GALNT14: variants seen among roughly 807,000 people sequenced by gnomAD.
The protein encoded by GALNT14 is polypeptide N-acetylgalactosaminyltransferase 14.
A neutral mutation model predicts 77.5 loss-of-function variants in GALNT14; 60 were observed. The ratio of observed to expected loss-of-function variants is 0.77; its 90% CI spans 0.63 to 0.96. The LOEUF (loss-of-function observed/expected upper bound fraction) is 0.96, where lower values mean the gene tolerates loss of function less well. Ranked by LOEUF, GALNT14 falls within the 40% of genes least tolerant of loss-of-function variation. GALNT14 has a pLI of 0.00. For missense variants in GALNT14, 710 were observed against 731.0 expected (o/e 0.97, Z 0.33); for synonymous variants, 280 against 281.7 (o/e 0.99, Z 0.06).
chr2:30,957,943 A>G (rs184997808), intron 4 of GALNT14, among the ~76,000 whole-genome samples: 1 of 152,358 alleles, frequency 6.6e-6, no homozygotes, highest in Admixed American at 6.5e-5. Flanking sequence ...GGTAAGACAC[A>G]CATGTTTTTC....
intron 1 of GALNT14, among the ~76,000 whole-genome samples, chr2:31,124,468 A>C (rs1423854380): frequency 6.6e-6 from 1 of 152,184 alleles, no homozygotes; most frequent in Non-Finnish European, 1.5e-5. Flanking sequence ...TCCCCTGATC[A>C]TGTCACCCTT....
chr2:31,059,632 G>C (rs1020537650), intron 1 of GALNT14, among the ~76,000 whole-genome samples: 4 of 152,140 alleles, frequency 2.6e-5, no homozygotes, highest in African/African-American at 9.7e-5. Context: ...TTGAGCCCAG[G>C]AGTTTGAGGC....
downstream of GALNT14, among the ~76,000 whole-genome samples, chr2:30,906,919 G>A (rs59455808): frequency 3.9e-5 from 6 of 151,984 alleles, no homozygotes; most frequent in South Asian, 2.1e-4. Context: ...TCAAAACCAC[G>A]CAACTACATG....
chr2:30,991,044 C>T (rs2241431), intron 2 of GALNT14: 58,273 of 152,052 alleles, frequency 0.38, 11,256 homozygotes, highest in Middle Eastern at 0.5. Context: ...TATGCCTAGC[C>T]CTTGCAAAAT....
chr2:31,125,220 TCATCC>T (rs917272281), intron 1 of GALNT14: 20 of 1,550,426 alleles, frequency 1.3e-5, no homozygotes, highest in Non-Finnish European at 1.6e-5. Context: ...GCCCAAGGGC[TCATCC>T]CAGCCACCTT....
intron 1 of GALNT14, among the ~76,000 whole-genome samples, chr2:31,121,255 T>G (rs1293762539): frequency 3.3e-5 from 5 of 152,114 alleles, no homozygotes; most frequent in African/African-American, 1.2e-4. Flanking sequence ...GTAATTTCTC[T>G]AAGAGCAGCT....
At chr2:31,131,460 A>G (rs996690633) in intron 1 of GALNT14, among the ~76,000 whole-genome samples, 11 of 152,172 alleles carry the variant, frequency 7.2e-5, no homozygotes, top group Non-Finnish European at 1.6e-4. Flanking sequence ...CTCCCCCAGG[A>G]GAGGAGCTGG....
At chr2:30,965,173 A>G (rs1667926940) in intron 3 of GALNT14, among the ~76,000 whole-genome samples, 1 of 152,046 alleles carries the variant, frequency 6.6e-6, no homozygotes, top group Admixed American at 6.5e-5. Context: ...ACTCAGGCTG[A>G]CAAGAAGGAG....
chr2:30,977,310 C>T (rs780817221), intron 2 of GALNT14, among the ~76,000 whole-genome samples: 1 of 152,094 alleles, frequency 6.6e-6, no homozygotes, highest in African/African-American at 2.4e-5. Flanking sequence ...AGGCTGGTCT[C>T]GAACTCCTGA....
chr2:31,038,610 C>T (rs942696903), intron 1 of GALNT14, among the ~76,000 whole-genome samples: 9 of 152,248 alleles, frequency 5.9e-5, no homozygotes, highest in Middle Eastern at 6.8e-3. Context: ...CCTCTAGTGG[C>T]TGCTAGGCTG....
intron 9 of GALNT14, among the ~76,000 whole-genome samples, chr2:30,940,753 T>G (rs1666328508): frequency 6.6e-6 from 1 of 152,066 alleles, no homozygotes; most frequent in African/African-American, 2.4e-5. Flanking sequence ...TCTCCTGGGC[T>G]GGTGGAGGCA....
chr2:30,899,004 C>T, the GALNT14 span, among the ~76,000 whole-genome samples: 9 of 152,242 alleles, frequency 5.9e-5, no homozygotes, highest in Middle Eastern at 3.4e-3. Flanking sequence ...TGAGCTGAAG[C>T]GCAGGCTTGC....
the GALNT14 span, among the ~76,000 whole-genome samples, chr2:30,887,726 T>G: frequency 6.6e-6 from 1 of 152,248 alleles, no homozygotes; most frequent in Non-Finnish European, 1.5e-5. Flanking sequence ...GTCCAATTTA[T>G]CTCTTTTTTC....
At chr2:30,913,046 A>G (rs911421938) in intron 13 of GALNT14, among the ~76,000 whole-genome samples, 2 of 152,180 alleles carry the variant, frequency 1.3e-5, no homozygotes, top group African/African-American at 4.8e-5. Context: ...TGTTGGCATC[A>G]GGAAGAAGGG....
intron 9 of GALNT14, among the ~76,000 whole-genome samples, chr2:30,934,788 G>T (rs185975970): frequency 6.6e-6 from 1 of 151,998 alleles, no homozygotes; most frequent in Non-Finnish European, 1.5e-5. Context: ...CACTGCTGTC[G>T]CCTCTGCTCC....
chr2:31,086,181 T>C (rs1276003097), intron 1 of GALNT14, among the ~76,000 whole-genome samples: 2 of 152,166 alleles, frequency 1.3e-5, no homozygotes, highest in East Asian at 3.9e-4. Context: ...TCCTAGGACC[T>C]CTGGACTTGG....
chr2:31,076,252 C>T (rs1490867511), intron 1 of GALNT14, among the ~76,000 whole-genome samples: 1 of 152,190 alleles, frequency 6.6e-6, no homozygotes, highest in Non-Finnish European at 1.5e-5. Flanking sequence ...TCTAACAAGT[C>T]TTCAAGGTCT....
intron 1 of GALNT14, among the ~76,000 whole-genome samples, chr2:31,015,087 T>A (rs1320298906): frequency 6.6e-6 from 1 of 151,958 alleles, no homozygotes; most frequent in Non-Finnish European, 1.5e-5. Flanking sequence ...GTCAGGAGTT[T>A]GAGACCAGCC....
intron 1 of GALNT14, among the ~76,000 whole-genome samples, chr2:31,057,978 T>C (rs926514709): frequency 6.6e-6 from 1 of 152,144 alleles, no homozygotes; most frequent in Non-Finnish European, 1.5e-5. Flanking sequence ...TTACAGCTCC[T>C]GTCGGGGACC....
Sources: allele counts gnomAD v4.1 joint callset (sites outside exome capture counted in the v4.1 genomes callset), GRCh38; gene constraint gnomAD v4.1.1; transcripts MANE v1.5; gene names NCBI Gene and HGNC (gene_info 2026-07-23, HGNC 2026-07-21).